Variants in RPS6KC1 observed in about 807,000 individuals in gnomAD.
The protein encoded by RPS6KC1 is inactive ribosomal protein S6 kinase delta-1.
A neutral mutation model predicts 103.8 loss-of-function variants in RPS6KC1; 54 were observed. The observed-to-expected ratio is 0.52, with a 90% confidence interval of 0.42 to 0.65. The LOEUF (loss-of-function observed/expected upper bound fraction) is 0.65. RPS6KC1 is among the 30% of genes least tolerant of loss of function. RPS6KC1 has a pLI of 0.00. For synonymous variants in RPS6KC1, 439 were observed against 438.7 expected (o/e 1.00, Z -0.01); for missense variants, 1,151 against 1,253.8 (o/e 0.92, Z 1.24).
chr1:213,489,752 T>C, the RPS6KC1 span, among the ~76,000 whole-genome samples: 1 of 152,138 alleles, frequency 6.6e-6, no homozygotes, highest in Non-Finnish European at 1.5e-5. Context: ...TAGAAAGGCA[T>C]GTCGGGCAAA....
At chr1:213,219,591 A>G (rs1015188365) in intron 8 of RPS6KC1, among the ~76,000 whole-genome samples, 1 of 152,218 alleles carries the variant, frequency 6.6e-6, no homozygotes, top group Non-Finnish European at 1.5e-5. Context: ...TCACAATAGC[A>G]AAGACTTAGA....
At chr1:213,783,018 A>T in the RPS6KC1 span, among the ~76,000 whole-genome samples, 1 of 152,128 alleles carries the variant, frequency 6.6e-6, no homozygotes, top group Non-Finnish European at 1.5e-5. Flanking sequence ...TGTTATTATC[A>T]TTATTTAAAA....
At chr1:213,440,593 T>TAAAAAAAAAAAAAAAAA in the RPS6KC1 span, among the ~76,000 whole-genome samples, 1 of 100,384 alleles carries the variant, frequency 1.0e-5, no homozygotes, top group Non-Finnish European at 1.9e-5. Flanking sequence ...TTAATGGAAC[T>TAAAAAAAAAAAAAAAAA]AAAAAAAAAA....
chr1:213,484,647 G>A, the RPS6KC1 span, among the ~76,000 whole-genome samples: 124,906 of 152,190 alleles, frequency 0.82, 51,727 homozygotes, highest in East Asian at 0.98. Flanking sequence ...AGGAATGAGG[G>A]TTACACAAGG....
chr1:213,709,051 T>C, the RPS6KC1 span, among the ~76,000 whole-genome samples: 1 of 152,134 alleles, frequency 6.6e-6, no homozygotes, highest in South Asian at 2.1e-4. Context: ...GGTATCAGGA[T>C]ATGCTGACCT....
intron 4 of RPS6KC1, among the ~76,000 whole-genome samples, chr1:213,109,427 G>A (rs1404599295): frequency 1.3e-5 from 2 of 152,144 alleles, no homozygotes; most frequent in Admixed American, 6.5e-5. Context: ...ATGAGCAACC[G>A]TGCCCGGCCC....
the RPS6KC1 span, among the ~76,000 whole-genome samples, chr1:213,662,000 C>G: frequency 6.6e-6 from 1 of 152,132 alleles, no homozygotes; most frequent in Non-Finnish European, 1.5e-5. Flanking sequence ...GTGGCTGGAA[C>G]TGGACTGAAA....
At chr1:213,707,594 G>A in the RPS6KC1 span, among the ~76,000 whole-genome samples, 1 of 152,140 alleles carries the variant, frequency 6.6e-6, no homozygotes, top group East Asian at 1.9e-4. Context: ...TGCTTTTGGT[G>A]TTTTAGTCAT....
the RPS6KC1 span, among the ~76,000 whole-genome samples, chr1:213,339,539 G>A: frequency 2.0e-5 from 3 of 152,214 alleles, no homozygotes; most frequent in Non-Finnish European, 4.4e-5. Context: ...CGATCATTCG[G>A]TGAGACCATT....
intron 8 of RPS6KC1, among the ~76,000 whole-genome samples, chr1:213,225,163 G>T (rs1254546293): frequency 6.6e-6 from 1 of 152,170 alleles, no homozygotes; most frequent in Non-Finnish European, 1.5e-5. Flanking sequence ...ATTATCACCA[G>T]CCCTGTACGG....
At chr1:213,083,346 TC>T (rs1449038011) in intron 3 of RPS6KC1, among the ~76,000 whole-genome samples, 3 of 152,196 alleles carry the variant, frequency 2.0e-5, no homozygotes, top group Non-Finnish European at 4.4e-5. Context: ...ATCAGAAACT[TC>T]CAACATTTGC....
the RPS6KC1 span, among the ~76,000 whole-genome samples, chr1:213,652,176 A>G: frequency 6.6e-6 from 1 of 152,156 alleles, no homozygotes; most frequent in Non-Finnish European, 1.5e-5. Context: ...GACTGGATTA[A>G]TAATAATAAT....
the RPS6KC1 span, among the ~76,000 whole-genome samples, chr1:213,563,643 CACTTG>C: frequency 6.6e-6 from 1 of 152,146 alleles, no homozygotes; most frequent in South Asian, 2.1e-4. Flanking sequence ...ATATCCTGTA[CACTTG>C]ACTTGGAAAA....
At chr1:213,530,411 C>T in the RPS6KC1 span, among the ~76,000 whole-genome samples, 1 of 152,206 alleles carries the variant, frequency 6.6e-6, no homozygotes, top group African/African-American at 2.4e-5. Context: ...ACTTAAGATC[C>T]TGTTCCTATA....
intron 8 of RPS6KC1, among the ~76,000 whole-genome samples, chr1:213,193,399 C>T (rs1010220189): frequency 1.3e-5 from 2 of 152,166 alleles, no homozygotes; most frequent in African/African-American, 4.8e-5. Context: ...GTTGGGATTA[C>T]AGGCACATGC....
At chr1:213,602,231 TCCTTCCTC>T in the RPS6KC1 span, among the ~76,000 whole-genome samples, 6 of 124,398 alleles carry the variant, frequency 4.8e-5, no homozygotes, top group African/African-American at 1.2e-4. Flanking sequence ...CTTCCTTCCT[TCCTTCCTC>T]TCTTTCTCTC....
At chr1:213,369,956 G>C in the RPS6KC1 span, among the ~76,000 whole-genome samples, 3 of 152,184 alleles carry the variant, frequency 2.0e-5, no homozygotes, top group Non-Finnish European at 2.9e-5. Context: ...AAACCCTCTA[G>C]GCCAGCGTGT....
chr1:213,527,930 A>T, the RPS6KC1 span, among the ~76,000 whole-genome samples: 1 of 152,214 alleles, frequency 6.6e-6, no homozygotes, highest in Non-Finnish European at 1.5e-5. Context: ...TAAGAAAACC[A>T]TAAGGAAAAA....
intron 3 of RPS6KC1, among the ~76,000 whole-genome samples, chr1:213,093,569 G>A (rs2081183155): frequency 6.6e-6 from 1 of 152,106 alleles, no homozygotes; most frequent in Admixed American, 6.5e-5. Flanking sequence ...CAGCAAAGGA[G>A]TCCTCTTGTA....
Sources: allele counts gnomAD v4.1 joint callset (sites outside exome capture counted in the v4.1 genomes callset), GRCh38; gene constraint gnomAD v4.1.1; transcripts MANE v1.5; gene names NCBI Gene and HGNC (gene_info 2026-07-23, HGNC 2026-07-21).